STAB2: variants seen among roughly 807,000 people sequenced by gnomAD.
The protein encoded by STAB2 is stabilin-2.
In STAB2, 288 loss-of-function variants were observed where a neutral mutation model predicts 338.1. The ratio of observed to expected loss-of-function variants is 0.85; its 90% confidence interval spans 0.77 to 0.94. The LOEUF is 0.94. STAB2 is among the 40% of genes least tolerant of loss of function. The pLI is 0.00. For missense variants in STAB2, 3,141 were observed against 3,210.1 expected, an observed-to-expected ratio of 0.98 and a Z score of 0.52; for synonymous variants, 1,202 against 1,193.3, an observed-to-expected ratio of 1.01 and a Z score of -0.15.
At position 103,705,724 on chromosome 12, in the gene STAB2, C is replaced by T; in HGVS notation, c.3993C>T (p.Val1331=). The change falls in exon 37 of 69, where the codon GTC becomes GTT. Residue 1331 remains valine, a synonymous_variant. Coordinates refer to ENST00000388887, the MANE Select transcript of STAB2 (RefSeq NM_017564.10). ...GCCAGCCAAAATGTGTGAGAACCGT[C>T]ATTGTGAGTACAATAATTGAATCAT... ...IGCQPKCVRT[V]ITRECCAGFF... 3 of 1,613,972 alleles carry T rather than the reference C, an allele frequency of 1.9e-6. No individual in the cohort carries two copies. The highest frequency in any genetic ancestry group is 2.2e-5 in the South Asian group (2 of 91,072).
At chr12:103,736,591 C>G (rs1014215572) in intron 52 of STAB2, among the ~76,000 whole-genome samples, 7 of 151,970 alleles carry the variant, frequency 4.6e-5, no homozygotes. Context: ...TCTGCTTGTT[C>G]TGTGTGTTGA....
chr12:103,708,355 T>G, intron 38 of STAB2, 86 bp from the exon 39 acceptor site: 1 of 1,335,082 alleles, frequency 7.5e-7, no homozygotes, highest in Non-Finnish European at 1.1e-6. Context: ...GAGAATTAAG[T>G]GCAATAAAGC....
At chr12:103,723,414 G>A (rs911601672) in intron 44 of STAB2, among the ~76,000 whole-genome samples, 4 of 152,194 alleles carry the variant, frequency 2.6e-5, no homozygotes, top group African/African-American at 9.7e-5. Context: ...ACTATTACAA[G>A]AAGAGCACAG....
chr12:103,607,820 T>G (rs1957055663), intron 3 of STAB2, among the ~76,000 whole-genome samples: 1 of 152,208 alleles, frequency 6.6e-6, no homozygotes, highest in African/African-American at 2.4e-5. Context: ...AAGTCTTTGC[T>G]ATTGTGAATA....
At chr12:103,692,122 G>A (rs923201596) in intron 30 of STAB2, among the ~76,000 whole-genome samples, 1 of 152,186 alleles carries the variant, frequency 6.6e-6, no homozygotes, top group African/African-American at 2.4e-5. Flanking sequence ...ATCAAGATGT[G>A]GGCAGGATTG....
intron 48 of STAB2, among the ~76,000 whole-genome samples, chr12:103,729,260 T>C (rs1881453314): frequency 2.0e-5 from 3 of 152,140 alleles, no homozygotes; most frequent in Non-Finnish European, 2.9e-5. Context: ...CTAGGCTTAA[T>C]ACCTGGGTGA....
chr12:103,611,574 T>A (rs1393316112), intron 3 of STAB2, among the ~76,000 whole-genome samples: 1 of 152,134 alleles, frequency 6.6e-6, no homozygotes, highest in African/African-American at 2.4e-5. Flanking sequence ...TTTTGAGGCT[T>A]TGTGTGTCTC....
At chr12:103,749,279 T>G in intron 59 of STAB2, 123 bp downstream of exon 59, 1 of 1,137,180 alleles carries the variant, frequency 8.8e-7, no homozygotes, top group Non-Finnish European at 1.2e-6. Flanking sequence ...TCTAGCACAG[T>G]CTGTTTCTTG....
intron 6 of STAB2, among the ~76,000 whole-genome samples, chr12:103,633,125 G>A (rs1462587389): frequency 2.0e-5 from 3 of 152,174 alleles, no homozygotes; most frequent in Non-Finnish European, 4.4e-5. Flanking sequence ...GTGGTCCTCA[G>A]TCAGCCTCCT....
chr12:103,673,994 G>T lies in STAB2; in HGVS notation c.2459G>T (p.Gly820Val). The T allele has an allele frequency of 6.2e-7, 1 of 1,614,126 alleles. No homozygotes were observed. The highest frequency in any genetic ancestry group is 1.7e-5 in the Admixed American group (1 of 60,028). Residue 820 changes from glycine (G) to valine (V), a missense_variant, in exon 23 of 69, where the codon GGG (glycine) becomes GTG (valine). Gly to Val is a moderately radical substitution (Grantham distance 109). Coordinates refer to ENST00000388887, the MANE Select transcript of STAB2 (RefSeq NM_017564.10). Reference protein sequence around the residue: ...LTGTCRDGSAGRLCDKQTSAC... With the variant: ...LTGTCRDGSAVRLCDKQTSAC... Reference sequence around the variant, plus strand: ...GGCACATGCAGAGACGGCTCTGCCGGGAGACTCTGTGATAAGCAGACCTCA... The same window carrying T: ...GGCACATGCAGAGACGGCTCTGCCGTGAGACTCTGTGATAAGCAGACCTCA...
intron 5 of STAB2, among the ~76,000 whole-genome samples, chr12:103,626,407 G>T (rs1288437957): frequency 5.3e-5 from 8 of 152,154 alleles, no homozygotes; most frequent in Non-Finnish European, 1.0e-4. Context: ...GACCCTAATT[G>T]CTGTGTTACC....
intron 22 of STAB2, 113 bp from the exon 23 acceptor site, chr12:103,673,794 A>G (rs1405762174): frequency 5.1e-6 from 6 of 1,169,506 alleles, no homozygotes; most frequent in Non-Finnish European, 7.1e-6. Flanking sequence ...TTCTGCTTTG[A>G]CAAGAGTGAG....
At chr12:103,666,047 G>T (rs1465746974) in intron 18 of STAB2, among the ~76,000 whole-genome samples, 1 of 152,178 alleles carries the variant, frequency 6.6e-6, no homozygotes, top group Non-Finnish European at 1.5e-5. Context: ...GTAAAAAAGG[G>T]GGCTGCTCTG....
intron 67 of STAB2, among the ~76,000 whole-genome samples, chr12:103,763,083 G>GA (rs1566087390): frequency 6.6e-6 from 1 of 152,224 alleles, no homozygotes; most frequent in Non-Finnish European, 1.5e-5. Flanking sequence ...AAGCTCCAGG[G>GA]AAAATCTCAA....
intron 3 of STAB2, among the ~76,000 whole-genome samples, chr12:103,606,622 AAGTTG>A (rs1957032019): frequency 6.6e-6 from 1 of 152,174 alleles, no homozygotes; most frequent in Non-Finnish European, 1.5e-5. Flanking sequence ...ATAGAATTTT[AAGTTG>A]ACAATTTTTT....
Position 103,642,116 on chromosome 12 carries a change from C to T in STAB2, c.1040+1860C>T, listed in dbSNP as rs573516987. The stretch of plus-strand genomic sequence containing the variant: ...CTTTTCTAAACCACAGTTCCCTCAC[C>T]TGTCAAGTAGGTCTAGAGACCAGGA... On this transcript the variant is annotated intron_variant, in intron 9 of 68. Coordinates refer to ENST00000388887, the MANE Select transcript of STAB2 (RefSeq NM_017564.10). 2.0e-5 allele frequency among the ~76,000 whole-genome samples: 3 copies of T among 152,344 alleles called. No individual in the cohort carries two copies. The South Asian group carries it at 6.2e-4, about 32-fold the overall frequency.
chr12:103,730,071 A>G (rs1420651485), intron 48 of STAB2, 45 bp from the exon 49 acceptor site: 2 of 1,523,704 alleles, frequency 1.3e-6, no homozygotes, highest in Non-Finnish European at 1.8e-6. Context: ...TTTTGTGTCT[A>G]TTTCACTTTG....
chr12:103,749,299 AT>A, intron 59 of STAB2, 143 bp downstream of exon 59: 6 of 975,096 alleles, frequency 6.2e-6, no homozygotes, highest in Non-Finnish European at 8.6e-6. Context: ...GTTAAAAGTC[AT>A]TGGGCTAAAT....
At chr12:103,753,169 AC>A (rs775337188) in intron 60 of STAB2, 50 bp from the exon 61 acceptor site, 11 of 1,603,552 alleles carry the variant, frequency 6.9e-6, no homozygotes, top group African/African-American at 1.3e-5. Flanking sequence ...TGTTGGAAAC[AC>A]TGCCAACCTG....
Sources: allele counts gnomAD v4.1 joint callset (sites outside exome capture counted in the v4.1 genomes callset), GRCh38; gene constraint gnomAD v4.1.1; transcripts MANE v1.5; gene names NCBI Gene and HGNC (gene_info 2026-07-23, HGNC 2026-07-21).